The following CCSER1 variants were observed in gnomAD, a reference collection of about 807,000 sequenced individuals.
CCSER1 encodes the protein serine-rich coiled-coil domain-containing protein 1.
In CCSER1, 41 loss-of-function variants were observed where a neutral mutation model predicts 82.0. The observed-to-expected ratio is 0.50, with a 90% confidence interval of 0.39 to 0.65. The LOEUF (loss-of-function observed/expected upper bound fraction) is 0.65. Ranked by LOEUF, CCSER1 falls within the 30% of genes least tolerant of loss-of-function variation. The pLI is 0.00. For missense variants in CCSER1, 1,119 were observed against 1,064.2 expected (o/e 1.05, Z -0.72); for synonymous variants, 414 against 383.9 (o/e 1.08, Z -0.92).
intron 5 of CCSER1, among the ~76,000 whole-genome samples, chr4:90,506,719 T>A (rs760191830): frequency 2.0e-5 from 3 of 151,318 alleles, no homozygotes; most frequent in Admixed American, 1.3e-4. Context: ...GAGCCAAAAT[T>A]GTGCCATTGC....
At position 90,512,519 on chromosome 4, in the gene CCSER1, C is replaced by T. The variant is rs550042177; in HGVS notation, c.1724+44165C>T. Among the ~76,000 whole-genome samples the T allele has an allele frequency of 1.2e-4, 18 of 152,192 alleles. No individual in the cohort carries two copies. In the South Asian group the frequency reaches 3.5e-3, roughly 30 times the overall value. On this transcript the variant is annotated intron_variant, in intron 5 of 10. Transcript: ENST00000509176. ...TGACAGACATGCCTATAACAAGACTCCTTCCATTCTCTTCTACTTTCTTAT... is the reference window on the plus strand; with the variant it reads ...TGACAGACATGCCTATAACAAGACTTCTTCCATTCTCTTCTACTTTCTTAT...
chr4:91,492,864 A>G lies in CCSER1; in HGVS notation c.2218-105708A>G, dbSNP rs538729753. On this transcript the variant is annotated intron_variant, in intron 10 of 10. Transcript: ENST00000509176. ...GAAATTTATAGATCTGAGAAAGTAC[A>G]TGATTAGTTTAGGGAATAAGTGATT... 5.3e-5 allele frequency among the ~76,000 whole-genome samples: 8 copies of G among 152,030 alleles called. No homozygotes were observed. In the South Asian group the frequency reaches 6.2e-4, roughly 12 times the overall value.
At chr4:91,586,309 ATAAGT>A (rs776846898) in intron 10 of CCSER1, among the ~76,000 whole-genome samples, 9 of 151,844 alleles carry the variant, frequency 5.9e-5, no homozygotes, top group South Asian at 2.1e-4. Context: ...ATTAAAGCAA[ATAAGT>A]TAAGAGTTGT....
chr4:90,978,443 A>G (rs142989347), intron 9 of CCSER1, among the ~76,000 whole-genome samples: 1 of 151,560 alleles, frequency 6.6e-6, no homozygotes, highest in Admixed American at 6.6e-5. Flanking sequence ...ACCTCTCAAG[A>G]GTCTGTCTTT....
intron 8 of CCSER1, among the ~76,000 whole-genome samples, chr4:90,898,349 C>A (rs1487118241): frequency 7.9e-6 from 1 of 126,490 alleles, no homozygotes; most frequent in Non-Finnish European, 1.6e-5. Context: ...ATAGCACGAT[C>A]TCAGCTCACT....
chr4:90,606,316 G>C (rs1378977443), intron 5 of CCSER1, among the ~76,000 whole-genome samples: 2 of 152,114 alleles, frequency 1.3e-5, no homozygotes, highest in Non-Finnish European at 2.9e-5. Flanking sequence ...AAACCTAGAT[G>C]ATATAGACTA....
At chr4:90,879,548 AAGAAGAGG>A (rs1720919149) in intron 8 of CCSER1, among the ~76,000 whole-genome samples, 3 of 4,676 alleles carry the variant, frequency 6.4e-4, no homozygotes, top group East Asian at 0.023. Flanking sequence ...AAGAAAGAAG[AAGAAGAGG>A]AAGAAGAAGA....
chr4:91,229,730 A>G (rs1438279138), intron 10 of CCSER1, among the ~76,000 whole-genome samples: 1 of 152,176 alleles, frequency 6.6e-6, no homozygotes, highest in African/African-American at 2.4e-5. Flanking sequence ...AAACTAACAC[A>G]GGAACAGGAA....
At chr4:91,030,374 T>C (rs1229131276) in intron 9 of CCSER1, among the ~76,000 whole-genome samples, 1 of 152,140 alleles carries the variant, frequency 6.6e-6, no homozygotes, top group Non-Finnish European at 1.5e-5. Flanking sequence ...TATTGAGCAC[T>C]TGAAATGTGA....
At chr4:91,531,641 C>A (rs1761035033) in intron 10 of CCSER1, among the ~76,000 whole-genome samples, 1 of 152,162 alleles carries the variant, frequency 6.6e-6, no homozygotes, top group Non-Finnish European at 1.5e-5. Flanking sequence ...CAGTAGAATT[C>A]ATTGCTCACA....
At chr4:91,160,179 A>T (rs973262427) in intron 10 of CCSER1, among the ~76,000 whole-genome samples, 2 of 152,014 alleles carry the variant, frequency 1.3e-5, no homozygotes, top group Admixed American at 1.3e-4. Flanking sequence ...GTTTGCTCAG[A>T]ATGATGGTTT....
At chr4:91,271,750 C>T (rs1318100931) in intron 10 of CCSER1, among the ~76,000 whole-genome samples, 2 of 151,626 alleles carry the variant, frequency 1.3e-5, no homozygotes, top group African/African-American at 4.9e-5. Context: ...ATATATATCA[C>T]AGTTTCCTTT....
chr4:91,547,351 A>G (rs2110213014), intron 10 of CCSER1, among the ~76,000 whole-genome samples: 1 of 152,272 alleles, frequency 6.6e-6, no homozygotes, highest in African/African-American at 2.4e-5. Context: ...TAGTTCTGTC[A>G]GGTTTTGTTT....
chr4:90,554,600 T>C (rs1455062787), intron 5 of CCSER1, among the ~76,000 whole-genome samples: 2 of 152,218 alleles, frequency 1.3e-5, no homozygotes, highest in Non-Finnish European at 2.9e-5. Context: ...ATTGCTATTA[T>C]ATTGCTACAT....
chr4:90,725,768 G>A (rs898090165), intron 7 of CCSER1, among the ~76,000 whole-genome samples: 3 of 151,754 alleles, frequency 2.0e-5, no homozygotes, highest in South Asian at 2.1e-4. Flanking sequence ...CCAAGGATAT[G>A]TTGAGAATTA....
At chr4:90,625,661 G>T (rs1723125398) in intron 5 of CCSER1, among the ~76,000 whole-genome samples, 1 of 152,164 alleles carries the variant, frequency 6.6e-6, no homozygotes, top group Admixed American at 6.6e-5. Context: ...TAAAGTCAGT[G>T]ACAGAATCCT....
At chr4:91,376,631 AAAAT>A (rs1203624139) in intron 10 of CCSER1, among the ~76,000 whole-genome samples, 1 of 152,198 alleles carries the variant, frequency 6.6e-6, no homozygotes, top group Non-Finnish European at 1.5e-5. Flanking sequence ...ATTAAAGAAA[AAAAT>A]TATTCAAATT....
intron 4 of CCSER1, among the ~76,000 whole-genome samples, chr4:90,409,698 A>G (rs537525621): frequency 3.9e-5 from 6 of 152,302 alleles, no homozygotes; most frequent in Non-Finnish European, 7.3e-5. Flanking sequence ...AAAGACCATC[A>G]AGGCTAGGAA....
chr4:90,509,568 C>T (rs1578877276), intron 5 of CCSER1, among the ~76,000 whole-genome samples: 1 of 152,140 alleles, frequency 6.6e-6, no homozygotes, highest in East Asian at 1.9e-4. Flanking sequence ...CCATCTTTAA[C>T]CTGAAAGTGT....
Sources: gnomAD v4.1 joint callset for allele counts (sites outside exome capture counted in the v4.1 genomes callset) on GRCh38, gnomAD v4.1.1 for gene constraint, MANE v1.5 for transcripts, NCBI Gene and HGNC (gene_info 2026-07-23, HGNC 2026-07-21) for gene names.